Variants in PANK2 observed in about 807,000 individuals in gnomAD.
PANK2 encodes the protein pantothenate kinase 2, mitochondrial.
In PANK2, 36 loss-of-function variants were observed where a neutral mutation model predicts 43.1. The ratio of observed to expected loss-of-function variants is 0.84; its 90% CI spans 0.64 to 1.10. The LOEUF (loss-of-function observed/expected upper bound fraction) is 1.10. PANK2 is among the 50% of genes least tolerant of loss of function. PANK2 has a pLI of 0.00. For synonymous variants in PANK2, 281 were observed against 238.2 expected, an observed-to-expected ratio of 1.18 and a Z score of -1.66; for missense variants, 576 against 593.3, an observed-to-expected ratio of 0.97 and a Z score of 0.30.
At chr20:3,908,357 T>G in intron 2 of PANK2, 79 bp downstream of exon 2, 1 of 1,293,564 alleles carries the variant, frequency 7.7e-7, no homozygotes, top group East Asian at 2.5e-5. Context: ...GGTGAAATAA[T>G]TTCCATCTCT....
chr20:3,896,338 G>C (rs545946437), intron 1 of PANK2, among the ~76,000 whole-genome samples: 1 of 149,650 alleles, frequency 6.7e-6, no homozygotes. Flanking sequence ...TTGGCCTCCC[G>C]AAGTGCTGGG....
chr20:3,909,018 A>G (rs572776087), intron 2 of PANK2: 9 of 152,398 alleles, frequency 5.9e-5, no homozygotes, highest in African/African-American at 2.2e-4. Context: ...ACAGATTGAA[A>G]ATGTCTTCAG....
intron 6 of PANK2, among the ~76,000 whole-genome samples, chr20:3,919,540 T>TATC (rs1328657395): frequency 2.0e-5 from 3 of 152,222 alleles, no homozygotes; most frequent in Non-Finnish European, 4.4e-5. Flanking sequence ...AGAACCATAC[T>TATC]ATCATAAGAA....
intron 1 of PANK2, among the ~76,000 whole-genome samples, chr20:3,893,777 GGCCC>G (rs1190052028): frequency 6.6e-6 from 1 of 152,018 alleles, no homozygotes; most frequent in Non-Finnish European, 1.5e-5. Context: ...CTGGAGCCGG[GGCCC>G]TGTTAGGCTG....
intron 1 of PANK2, among the ~76,000 whole-genome samples, chr20:3,900,857 C>T (rs2090288902): frequency 1.3e-5 from 2 of 151,848 alleles, no homozygotes; most frequent in Non-Finnish European, 1.5e-5. Context: ...CAACCTCTGC[C>T]TCCTGGGTTC....
At chr20:3,902,038 C>T (rs2090309898) in intron 1 of PANK2, among the ~76,000 whole-genome samples, 1 of 151,960 alleles carries the variant, frequency 6.6e-6, no homozygotes, top group South Asian at 2.1e-4. Context: ...CCCTTCTCTG[C>T]TGACCGATAA....
chr20:3,892,948 G>T (rs535713674), intron 1 of PANK2, among the ~76,000 whole-genome samples: 14 of 152,048 alleles, frequency 9.2e-5, no homozygotes, highest in Non-Finnish European at 2.9e-5. Flanking sequence ...AGGTGGGGAG[G>T]GGGGTATGTC....
In PANK2 at chr20:3,889,487, C is replaced by T. The variant is rs1407574036; in HGVS notation, c.57C>T (p.Leu19=). The change falls in exon 1 of 7, where the codon CTC becomes CTT. Residue 19 remains leucine (L), a synonymous_variant. Transcript: ENST00000610179. ...TGCTGCGGATGGGAGGGGGCCGGCT[C>T]GGCGCGCCCATGGAGCGCCACGGCA... 4 of 1,485,872 alleles carry T rather than the reference C, an allele frequency of 2.7e-6. No homozygotes were observed. In the South Asian group the frequency reaches 5.2e-5, roughly 19 times the overall value. 92.0% of individuals were successfully genotyped at this position (1,485,872 alleles called of 1,614,324 possible). A position where few individuals can be genotyped will look rare whatever the true frequency, so the allele number is the denominator to read the frequency against.
chr20:3,919,993 T>A (rs1182287587), intron 6 of PANK2, among the ~76,000 whole-genome samples: 1 of 152,232 alleles, frequency 6.6e-6, no homozygotes, highest in Non-Finnish European at 1.5e-5. Context: ...AACTTAGTTT[T>A]AAAATTCTAA....
chr20:3,913,898 T>C (rs6116095), intron 4 of PANK2, among the ~76,000 whole-genome samples: 9 of 151,118 alleles, frequency 6.0e-5, no homozygotes, highest in Admixed American at 4.0e-4. Flanking sequence ...ATGCCATTCT[T>C]CTGCTTCAGC....
chr20:3,923,361 A>G lies in PANK2; in HGVS notation c.*67A>G, dbSNP rs2090676916. The G allele has an allele frequency of 1.3e-6, 2 of 1,508,490 alleles. No homozygotes were observed. The highest frequency in any genetic ancestry group is 1.7e-5 in the Admixed American group (1 of 59,772). The allele number at this position is 1,508,490 out of a possible 1,614,324, so 93.4% of individuals were successfully genotyped here. On this transcript the variant is annotated 3_prime_UTR_variant, in exon 7 of 7. Coordinates refer to ENST00000610179, the MANE Select transcript of PANK2 (RefSeq NM_001386393.1). ...ATCTGTGGACTTTCATTTTTTTAAG[A>G]GACTTACTCAATTTCATGACTGTAC...
At position 3,928,065 on chromosome 20, in the gene PANK2, A is replaced by T. The variant is rs566185146; in HGVS notation, c.*4771A>T. 6.6e-6 allele frequency: 1 copy of T among 152,264 alleles called. No individual in the cohort carries two copies. Among genetic ancestry groups the T allele is most frequent in the East Asian group, 1.9e-4 (1 of 5,186 alleles). 9.4% of individuals were successfully genotyped at this position (152,264 alleles called of 1,614,324 possible). On this transcript the variant is annotated 3_prime_UTR_variant, in exon 7 of 7. Transcript: ENST00000610179. ...CCCAGCACATGGGGATCCCTTATTA[A>T]TCTTTACTAAAGAACCGTGAACCAG...
intron 1 of PANK2, among the ~76,000 whole-genome samples, chr20:3,891,995 C>T (rs2090130116): frequency 6.6e-6 from 1 of 152,152 alleles, no homozygotes; most frequent in Non-Finnish European, 1.5e-5. Context: ...ACTGATTGTT[C>T]TTCCTTCCAT....
intron 1 of PANK2, among the ~76,000 whole-genome samples, chr20:3,906,839 G>A (rs1022104547): frequency 2.6e-5 from 4 of 151,612 alleles, no homozygotes; most frequent in African/African-American, 7.3e-5. Flanking sequence ...TCACTCTGTC[G>A]CCAGGCTAGA....
chr20:3,898,799 T>C (rs1373619486), intron 1 of PANK2, among the ~76,000 whole-genome samples: 1 of 152,002 alleles, frequency 6.6e-6, no homozygotes, highest in African/African-American at 2.4e-5. Flanking sequence ...TTTTTGTGAG[T>C]GCTTTATGGG....
chr20:3,901,609 C>G (rs750218555), intron 1 of PANK2: 1 of 981,262 alleles, frequency 1.0e-6, no homozygotes, highest in Non-Finnish European at 1.2e-6. Context: ...CTTCCTATGT[C>G]GAAATCATGT....
At chr20:3,905,350 CTTTTTTT>C (rs34914526) in intron 1 of PANK2, among the ~76,000 whole-genome samples, 1 of 134,400 alleles carries the variant, frequency 7.4e-6, no homozygotes, top group Non-Finnish European at 1.6e-5. Context: ...GCTGCTATCT[CTTTTTTT>C]TTTTTTTTTT....
intron 1 of PANK2, 123 bp downstream of exon 1, chr20:3,889,851 CGTT>C: frequency 2.0e-6 from 3 of 1,534,230 alleles, no homozygotes; most frequent in Non-Finnish European, 2.6e-6. Context: ...GGTGGTCCCT[CGTT>C]GGTGCGTGGC....
At chr20:3,915,372 C>T (rs1025857939) in intron 4 of PANK2, among the ~76,000 whole-genome samples, 3 of 151,980 alleles carry the variant, frequency 2.0e-5, no homozygotes, top group African/African-American at 7.2e-5. Flanking sequence ...GATCTCGGCT[C>T]ACTGCAACCT....
Sources: gnomAD v4.1 joint callset for allele counts (sites outside exome capture counted in the v4.1 genomes callset) on GRCh38, gnomAD v4.1.1 for gene constraint, MANE v1.5 for transcripts, NCBI Gene and HGNC (gene_info 2026-07-23, HGNC 2026-07-21) for gene names.